Variants in MARCHF5 observed in about 807,000 individuals in gnomAD.
MARCHF5 encodes the protein membrane associated ring-CH-type finger 5, also known as E3 ubiquitin-protein ligase MARCHF5.
MARCHF5 carries 5 observed loss-of-function variants against 36.5 expected under a neutral mutation model. The observed-to-expected ratio is 0.14, with a 90% CI of 0.07 to 0.29. The LOEUF is 0.29. Ranked by LOEUF, MARCHF5 falls within the 10% of genes least tolerant of loss-of-function variation. MARCHF5 has a pLI of 1.00. For synonymous variants in MARCHF5, 103 were observed against 109.9 expected, an observed-to-expected ratio of 0.94 and a Z score of 0.39; for missense variants, 179 against 336.3, an observed-to-expected ratio of 0.53 and a Z score of 3.66.
intron 2 of MARCHF5, chr10:92,333,699 A>C (rs1195475824): frequency 7.2e-6 from 7 of 977,444 alleles, no homozygotes; most frequent in Non-Finnish European, 8.5e-6. Context: ...GTCAGCCTCT[A>C]TCAAGTTAAG....
At chr10:92,346,596 C>T (rs1843647458) in intron 3 of MARCHF5, among the ~76,000 whole-genome samples, 1 of 138,818 alleles carries the variant, frequency 7.2e-6, no homozygotes, top group Admixed American at 8.3e-5. Context: ...TCAAGCGATT[C>T]TCCTGCTTCA....
At chr10:92,323,350 T>TA (rs1843314226) in intron 2 of MARCHF5, among the ~76,000 whole-genome samples, 2 of 152,204 alleles carry the variant, frequency 1.3e-5, no homozygotes, top group Admixed American at 1.3e-4. Flanking sequence ...ACCAGAGTGT[T>TA]ACATTTTTTA....
chr10:92,341,234 C>T (rs906759992), intron 3 of MARCHF5, among the ~76,000 whole-genome samples: 1 of 152,070 alleles, frequency 6.6e-6, no homozygotes, highest in African/African-American at 2.4e-5. Flanking sequence ...GAAACCCCAT[C>T]TCTACTAAAA....
intron 1 of MARCHF5, among the ~76,000 whole-genome samples, chr10:92,295,181 T>A (rs1289266407): frequency 6.6e-6 from 1 of 152,068 alleles, no homozygotes; most frequent in Non-Finnish European, 1.5e-5. Context: ...AAAATGCCCT[T>A]ATGGAGCTTC....
intron 5 of MARCHF5, 42 bp from the exon 6 acceptor site, chr10:92,351,049 T>G: frequency 1.8e-6 from 2 of 1,094,114 alleles, no homozygotes. Flanking sequence ...TCTGTTTCTC[T>G]AAATCTGCAT....
rs1323255609 is a variant in MARCHF5, at chr10:92,351,901, CGTGTG to C, written c.*695_*699del. 1.1e-4 allele frequency: 16 copies of C among 141,328 alleles called. No homozygotes were observed. The South Asian group carries it at 1.4e-3, about 13-fold the overall frequency. The allele number at this position is 141,328 out of a possible 1,614,324, so 8.8% of individuals were successfully genotyped here. A position where few individuals can be genotyped will look rare whatever the true frequency, so the allele number is the denominator to read the frequency against. The stretch of plus-strand genomic sequence containing the variant: ...ATGAAGTAATTTTGACTCATGCAGT[CGTGTG>C]TGTGTGTGTGTGTGTGTGTGTGTGT... On this transcript the variant is annotated 3_prime_UTR_variant, in exon 6 of 6. Transcript: ENST00000358935.
intron 2 of MARCHF5, among the ~76,000 whole-genome samples, chr10:92,311,899 A>G (rs1358169434): frequency 6.6e-6 from 1 of 152,240 alleles, no homozygotes; most frequent in Non-Finnish European, 1.5e-5. Context: ...TAGCATGGAA[A>G]AAAAGTATAG....
intron 1 of MARCHF5, among the ~76,000 whole-genome samples, chr10:92,307,604 A>G (rs928119255): frequency 1.3e-5 from 2 of 151,948 alleles, no homozygotes; most frequent in East Asian, 3.9e-4. Flanking sequence ...GGCCAGGCGC[A>G]GTGGGTCATG....
At position 92,330,204 on chromosome 10, in the gene MARCHF5, C is replaced by T. The variant is rs549100786; in HGVS notation, c.239-10469C>T. Among the ~76,000 whole-genome samples the T allele has an allele frequency of 1.8e-4, 28 of 152,240 alleles. No individual in the cohort carries two copies. The South Asian group carries it at 5.4e-3, about 29-fold the overall frequency. ...TCTTGTGAGGCAAATGACTAGGATA[C>T]CTTCAGAATAAGAGTTCCTTTTGTT... On this transcript the variant is annotated intron_variant, in intron 2 of 5. Coordinates refer to ENST00000358935, the MANE Select transcript of MARCHF5 (RefSeq NM_017824.5).
intron 2 of MARCHF5, among the ~76,000 whole-genome samples, chr10:92,314,752 CCCCCCG>C (rs1843188500): frequency 1.6e-5 from 2 of 126,290 alleles, no homozygotes; most frequent in African/African-American, 6.4e-5. Flanking sequence ...CCCCCCGCCC[CCCCCCG>C]CCAATAGAGG....
At chr10:92,323,177 G>T (rs967047718) in intron 2 of MARCHF5, among the ~76,000 whole-genome samples, 1 of 152,154 alleles carries the variant, frequency 6.6e-6, no homozygotes, top group Non-Finnish European at 1.5e-5. Flanking sequence ...GGTTAGCTGG[G>T]AGTACAGGTG....
chr10:92,307,812 T>C (rs1843094454), intron 1 of MARCHF5, among the ~76,000 whole-genome samples: 2 of 152,014 alleles, frequency 1.3e-5, no homozygotes, highest in Admixed American at 1.3e-4. Flanking sequence ...AGGCGGAGGT[T>C]GCAGTGAGCC....
intron 5 of MARCHF5, among the ~76,000 whole-genome samples, chr10:92,350,831 T>G (rs752436620): frequency 6.6e-6 from 1 of 152,178 alleles, no homozygotes; most frequent in Non-Finnish European, 1.5e-5. Context: ...AGAGTATATG[T>G]AGAACTACAT....
At chr10:92,337,664 C>T (rs1294298494) in intron 2 of MARCHF5, among the ~76,000 whole-genome samples, 1 of 151,314 alleles carries the variant, frequency 6.6e-6, no homozygotes, top group Non-Finnish European at 1.5e-5. Flanking sequence ...GAAATAATAG[C>T]ATGTTTGTTT....
intron 3 of MARCHF5, among the ~76,000 whole-genome samples, chr10:92,341,896 C>G (rs1471440940): frequency 6.8e-6 from 1 of 146,910 alleles, no homozygotes; most frequent in Admixed American, 7.1e-5. Flanking sequence ...GCTCAGTCAT[C>G]TGTCCACCTT....
At position 92,331,927 on chromosome 10, in the gene MARCHF5, A is replaced by ATGTATATATAATCGTATATATATG. The variant is rs1564951020; in HGVS notation, c.239-8744_239-8721dup. 5.4e-3 allele frequency among the ~76,000 whole-genome samples: 787 copies of ATGTATATATAATCGTATATATATG among 146,084 alleles called. 9 individuals carry two copies. Among genetic ancestry groups the ATGTATATATAATCGTATATATATG allele is most frequent in the African/African-American group, 0.019 (748 of 40,050 alleles). ...TATATATGTATATATAATCATATAT[A>ATGTATATATAATCGTATATATATG]TGTATATATAATCGTATATATATGT... On this transcript the variant is annotated intron_variant, in intron 2 of 5. Transcript: ENST00000358935.
intron 1 of MARCHF5, among the ~76,000 whole-genome samples, chr10:92,298,400 CTT>C (rs1003329680): frequency 6.6e-6 from 1 of 152,296 alleles, no homozygotes; most frequent in African/African-American, 2.4e-5. Context: ...TTCCTGACCT[CTT>C]TTCCTCATTT....
chr10:92,327,934 C>G (rs1017438499), intron 2 of MARCHF5, among the ~76,000 whole-genome samples: 8 of 152,126 alleles, frequency 5.3e-5, no homozygotes, highest in African/African-American at 1.7e-4. Context: ...TAATCAAGGT[C>G]ATTATCACCA....
chr10:92,318,457 A>G (rs1480627755), intron 2 of MARCHF5, among the ~76,000 whole-genome samples: 1 of 150,648 alleles, frequency 6.6e-6, no homozygotes, highest in East Asian at 2.0e-4. Context: ...CTAGGGGCCC[A>G]CAACTGTAAT....
Sources: gnomAD v4.1 joint callset for allele counts (sites outside exome capture counted in the v4.1 genomes callset) on GRCh38, gnomAD v4.1.1 for gene constraint, MANE v1.5 for transcripts, NCBI Gene and HGNC (gene_info 2026-07-23, HGNC 2026-07-21) for gene names.